The following INTS14 variants were observed in gnomAD, a reference collection of about 807,000 sequenced individuals.
INTS14 encodes the protein integrator complex subunit 14.
A neutral mutation model predicts 56.9 loss-of-function variants in INTS14; 27 were observed. The observed-to-expected ratio is 0.47, with a 90% CI of 0.35 to 0.65. The LOEUF (loss-of-function observed/expected upper bound fraction) is 0.65, where lower values mean the gene tolerates loss of function less well. Ranked by LOEUF, INTS14 falls within the 30% of genes least tolerant of loss-of-function variation. The pLI, the probability that INTS14 is intolerant of heterozygous loss-of-function variation, is 0.00. For missense variants in INTS14, 517 were observed against 632.2 expected (o/e 0.82, Z 1.95); for synonymous variants, 207 against 236.2 (o/e 0.88, Z 1.13).
Position 65,582,008 on chromosome 15 carries a change from C to G in INTS14, c.1251G>C (p.Gln417His), listed in dbSNP as rs2072640325. 11 of 1,609,432 alleles carry G rather than the reference C, an allele frequency of 6.8e-6. No individual in the cohort carries two copies. The highest frequency in any genetic ancestry group is 9.3e-6 in the Non-Finnish European group (11 of 1,178,982). Residue 417 changes from glutamine (Q) to histidine (H), a missense_variant, in exon 11 of 12, where the codon CAG becomes CAC. Gln to His is a conservative substitution (Grantham distance 24). Transcript: ENST00000313182. The part of the protein sequence containing the change: ...IKPSGLQTDV[Q>H]KILRNARKLP... ...GTTTCCTTGCATTTCTTAAAATCTT[C>G]TGTACATCTGTCTATTAAGGGTAAA...
intron 9 of INTS14, among the ~76,000 whole-genome samples, chr15:65,588,743 A>C (rs1265086023): frequency 6.6e-6 from 1 of 152,174 alleles, no homozygotes; most frequent in African/African-American, 2.4e-5. Context: ...TGTCTCTAGG[A>C]ACAGAATTGG....
chr15:65,583,907 C>G (rs1166286298), intron 10 of INTS14, among the ~76,000 whole-genome samples: 1 of 152,164 alleles, frequency 6.6e-6, no homozygotes, highest in African/African-American at 2.4e-5. Context: ...GGATGTGGTT[C>G]AGTCTCCATG....
Position 65,610,771 on chromosome 15 carries a change from TC to T in INTS14, c.-63+326del, listed in dbSNP as rs1416371637. ...CATCTCTAAAAGTCCAGACTGAAAA[TC>T]ACATCTGGGAGATGTATTTTTACCT... On this transcript the variant is annotated intron_variant, in intron 1 of 11. Transcript: ENST00000313182. 4 of 1,535,648 alleles carry T rather than the reference TC, an allele frequency of 2.6e-6. No homozygotes were observed. In the East Asian group the frequency reaches 9.8e-5, roughly 38 times the overall value.
At chr15:65,582,881 G>A (rs1224294040) in intron 10 of INTS14, among the ~76,000 whole-genome samples, 4 of 151,980 alleles carry the variant, frequency 2.6e-5, no homozygotes, top group Admixed American at 2.0e-4. Context: ...AATGGACAAA[G>A]AACTTGAGTA....
intron 1 of INTS14, chr15:65,610,711 T>A: frequency 6.5e-7 from 1 of 1,535,728 alleles, no homozygotes; most frequent in East Asian, 2.4e-5. Flanking sequence ...CCCGTCAGCC[T>A]CCGGGAGTCC....
intron 9 of INTS14, among the ~76,000 whole-genome samples, chr15:65,585,369 T>C (rs1409504835): frequency 1.3e-5 from 2 of 152,214 alleles, no homozygotes; most frequent in Non-Finnish European, 2.9e-5. Context: ...TTTCAAATTG[T>C]ACTTAATTTT....
At chr15:65,587,612 G>A (rs1462508408) in intron 9 of INTS14, among the ~76,000 whole-genome samples, 1 of 152,198 alleles carries the variant, frequency 6.6e-6, no homozygotes, top group Non-Finnish European at 1.5e-5. Context: ...TGCGTCTTGT[G>A]TAGGTGGGTG....
At chr15:65,596,994 T>C (rs1368396153) in intron 6 of INTS14, among the ~76,000 whole-genome samples, 1 of 152,230 alleles carries the variant, frequency 6.6e-6, no homozygotes, top group South Asian at 2.1e-4. Context: ...TCTACTTTAT[T>C]TTAAAGCAGT....
At chr15:65,598,246 G>T in intron 6 of INTS14, 75 bp downstream of exon 6, 1 of 1,422,740 alleles carries the variant, frequency 7.0e-7, no homozygotes, top group South Asian at 1.3e-5. Flanking sequence ...AGACAGAGAA[G>T]AGAGTAAAAG....
chr15:65,601,982 G>A (rs1232304608), intron 3 of INTS14, among the ~76,000 whole-genome samples: 3 of 152,150 alleles, frequency 2.0e-5, no homozygotes, highest in East Asian at 1.9e-4. Context: ...TTGGGAGGTT[G>A]AGGCCAGAGG....
intron 9 of INTS14, among the ~76,000 whole-genome samples, chr15:65,591,025 C>T (rs868254900): frequency 6.6e-6 from 1 of 152,152 alleles, no homozygotes; most frequent in South Asian, 2.1e-4. Context: ...ATGCAAATTC[C>T]AGGGAGAGAT....
chr15:65,593,910 T>A (rs887810798), intron 7 of INTS14, among the ~76,000 whole-genome samples: 2 of 152,288 alleles, frequency 1.3e-5, no homozygotes, highest in East Asian at 3.9e-4. Flanking sequence ...TATAAAAAAG[T>A]TCTCAAATTG....
At chr15:65,581,419 G>A (rs370660553) in intron 11 of INTS14, among the ~76,000 whole-genome samples, 5 of 97,658 alleles carry the variant, frequency 5.1e-5, no homozygotes, top group South Asian at 5.4e-4. Flanking sequence ...GTGGTGGCAC[G>A]TGCCTGTAGT....
chr15:65,601,075 G>A (rs1363201178), intron 3 of INTS14, among the ~76,000 whole-genome samples: 2 of 152,098 alleles, frequency 1.3e-5, no homozygotes, highest in African/African-American at 4.8e-5. Context: ...CTCTACGCCT[G>A]GTCAACTAAA....
chr15:65,594,850 AAC>A (rs1391705119), intron 7 of INTS14, among the ~76,000 whole-genome samples: 2 of 152,282 alleles, frequency 1.3e-5, no homozygotes, highest in East Asian at 3.9e-4. Context: ...AATAATTACC[AAC>A]ACAGTGATTA....
In INTS14 at chr15:65,579,291, A is replaced by C. The variant is rs2072486758; in HGVS notation, c.*117T>G. Reference sequence around the variant, plus strand: ...TTCAAAACAGCAAGTGGTGCTTCTGAGGCAGCCTCAGGAAGGTCTTTGGGT... The same window carrying C: ...TTCAAAACAGCAAGTGGTGCTTCTGCGGCAGCCTCAGGAAGGTCTTTGGGT... On this transcript the variant is annotated 3_prime_UTR_variant, in exon 12 of 12. Transcript: ENST00000313182. 9.2e-6 allele frequency: 13 copies of C among 1,410,156 alleles called. No individual in the cohort carries two copies. Among genetic ancestry groups the C allele is most frequent in the Non-Finnish European group, 1.2e-5 (13 of 1,042,936 alleles). The allele number at this position is 1,410,156 out of a possible 1,614,324, so 87.4% of individuals were successfully genotyped here. A position where few individuals can be genotyped will look rare whatever the true frequency, so the allele number is the denominator to read the frequency against.
At chr15:65,597,586 G>A (rs971195160) in intron 6 of INTS14, among the ~76,000 whole-genome samples, 1 of 152,168 alleles carries the variant, frequency 6.6e-6, no homozygotes, top group Non-Finnish European at 1.5e-5. Context: ...CATAATATAA[G>A]CAGCAGTGCT....
In INTS14 at chr15:65,579,483, A is replaced by T. The variant is rs748902130; in HGVS notation, c.1482T>A (p.Ser494=). 6.2e-7 allele frequency: 1 copy of T among 1,614,248 alleles called. No individual in the cohort carries two copies. Among genetic ancestry groups the T allele is most frequent in the Admixed American group, 1.7e-5 (1 of 60,028 alleles). Reference sequence around the variant, plus strand: ...TGTTCTGGTCATAAGCGGCATACTCAGAGGTGCCGGTACTGGCCAGCTTGA... The same window carrying T: ...TGTTCTGGTCATAAGCGGCATACTCTGAGGTGCCGGTACTGGCCAGCTTGA... ...QQLKLASTGT[S]EYAAYDQNIT... is the part of the protein sequence containing the mutation. The change falls in exon 12 of 12, where the codon TCT becomes TCA. Residue 494 remains serine (S), a synonymous_variant. Transcript: ENST00000313182.
chr15:65,580,628 A>AAC (rs1465727711), intron 11 of INTS14, among the ~76,000 whole-genome samples: 2 of 152,230 alleles, frequency 1.3e-5, no homozygotes, highest in Non-Finnish European at 2.9e-5. Context: ...GTAATGAGAT[A>AAC]ACACCCAGAC....
Sources: allele counts gnomAD v4.1 joint callset (sites outside exome capture counted in the v4.1 genomes callset), GRCh38; gene constraint gnomAD v4.1.1; transcripts MANE v1.5; gene names NCBI Gene and HGNC (gene_info 2026-07-23, HGNC 2026-07-21).